MAF: variants seen among roughly 807,000 people sequenced by gnomAD.
MAF encodes the protein MAF bZIP transcription factor, also known as transcription factor Maf.
Under a neutral mutation model 22.0 loss-of-function variants are expected in MAF, and 10 were observed. The observed-to-expected ratio is 0.45, with a 90% CI of 0.28 to 0.77. The LOEUF (loss-of-function observed/expected upper bound fraction) is 0.77. MAF is among the 30% of genes least tolerant of loss of function. The probability of loss-of-function intolerance (pLI) is 0.12; values close to 1 mark genes in which losing one functional copy is unlikely to be tolerated. For synonymous variants in MAF, 337 were observed against 255.8 expected (o/e 1.32, Z -3.03); for missense variants, 544 against 548.4 (o/e 0.99, Z 0.08).
chr16:79,376,081 G>A, the MAF span, among the ~76,000 whole-genome samples: 1 of 150,468 alleles, frequency 6.6e-6, no homozygotes, highest in Non-Finnish European at 1.5e-5. Context: ...GAACAGTGAA[G>A]CAACAATTAT....
At chr16:79,479,024 A>G in the MAF span, among the ~76,000 whole-genome samples, 1 of 151,320 alleles carries the variant, frequency 6.6e-6, no homozygotes, top group East Asian at 2.0e-4. Context: ...GCACCACCCC[A>G]GCGTATATTT....
the MAF span, among the ~76,000 whole-genome samples, chr16:79,238,308 G>T: frequency 2.0e-5 from 3 of 152,054 alleles, no homozygotes; most frequent in African/African-American, 7.2e-5. Flanking sequence ...AAAGCTTTCT[G>T]CTTCTTTCCT....
At chr16:79,536,641 T>C in the MAF span, among the ~76,000 whole-genome samples, 1 of 152,102 alleles carries the variant, frequency 6.6e-6, no homozygotes, top group Non-Finnish European at 1.5e-5. Flanking sequence ...GACTCCGTCT[T>C]GAAAAAATAT....
the MAF span, among the ~76,000 whole-genome samples, chr16:79,207,333 T>C: frequency 6.6e-6 from 1 of 152,238 alleles, no homozygotes; most frequent in African/African-American, 2.4e-5. Context: ...GAGGTATGTG[T>C]CTTTCCTTTT....
the MAF span, among the ~76,000 whole-genome samples, chr16:79,572,906 T>C: frequency 0.31 from 46,500 of 152,162 alleles, 7,635 homozygotes; most frequent in Non-Finnish European, 0.38. Flanking sequence ...TATAAGATGC[T>C]ATAAATATTA....
At chr16:79,557,797 G>T in the MAF span, among the ~76,000 whole-genome samples, 1 of 152,030 alleles carries the variant, frequency 6.6e-6, no homozygotes, top group Non-Finnish European at 1.5e-5. Context: ...GATGGGCAAA[G>T]ATATAAGATG....
the MAF span, among the ~76,000 whole-genome samples, chr16:79,410,420 C>G: frequency 6.6e-6 from 1 of 152,260 alleles, no homozygotes; most frequent in South Asian, 2.1e-4. Context: ...ACTGCGAACA[C>G]ACTCCAAATT....
chr16:79,489,217 C>A, the MAF span, among the ~76,000 whole-genome samples: 1 of 152,132 alleles, frequency 6.6e-6, no homozygotes, highest in Non-Finnish European at 1.5e-5. Context: ...CTCTATCTAT[C>A]CATCCATTTG....
chr16:79,221,969 G>C, the MAF span, among the ~76,000 whole-genome samples: 2 of 152,108 alleles, frequency 1.3e-5, no homozygotes, highest in African/African-American at 4.8e-5. Context: ...CACAGACAGA[G>C]AAACGTTTTT....
At chr16:79,584,170 G>C (rs796215506), downstream of MAF, among the ~76,000 whole-genome samples, 1 of 151,990 alleles carries the variant, frequency 6.6e-6, no homozygotes, top group South Asian at 2.1e-4. Flanking sequence ...TTATATCCTA[G>C]CCTAGAAAAT....
chr16:79,432,694 G>T, the MAF span, among the ~76,000 whole-genome samples: 2 of 152,204 alleles, frequency 1.3e-5, no homozygotes, highest in South Asian at 4.2e-4. Context: ...GAGTAGGATG[G>T]CCCCTAATCC....
At chr16:79,324,463 T>A in the MAF span, among the ~76,000 whole-genome samples, 1 of 152,176 alleles carries the variant, frequency 6.6e-6, no homozygotes, top group African/African-American at 2.4e-5. Flanking sequence ...ATGCATGGAT[T>A]TTGGTATTAG....
At chr16:79,487,088 C>T in the MAF span, among the ~76,000 whole-genome samples, 1 of 151,850 alleles carries the variant, frequency 6.6e-6, no homozygotes, top group African/African-American at 2.4e-5. Context: ...AAATCTCCTC[C>T]AAAACACTGT....
At chr16:79,496,393 A>G in the MAF span, among the ~76,000 whole-genome samples, 1,000 of 152,312 alleles carry the variant, frequency 6.6e-3, 7 homozygotes, top group Non-Finnish European at 7.6e-3. Context: ...TCTGGCATTG[A>G]CTAGCAAAAT....
chr16:79,562,818 G>T, the MAF span, among the ~76,000 whole-genome samples: 1 of 152,124 alleles, frequency 6.6e-6, no homozygotes, highest in Non-Finnish European at 1.5e-5. Context: ...CCAGGAAGTG[G>T]GTCTGGTTAT....
the MAF span, among the ~76,000 whole-genome samples, chr16:79,350,634 C>T: frequency 6.6e-6 from 1 of 152,162 alleles, no homozygotes; most frequent in African/African-American, 2.4e-5. Context: ...TCCCAGCCAA[C>T]AGTGGGCTGG....
At chr16:79,345,726 CAAAAAAAAAAAAAA>C in the MAF span, among the ~76,000 whole-genome samples, 2 of 68,340 alleles carry the variant, frequency 2.9e-5, no homozygotes, top group Non-Finnish European at 5.0e-5. Context: ...GACTCCGTCT[CAAAAAAAAAAAAAA>C]AAAAAAAAAA....
At chr16:79,502,718 T>TATATATATAAATATAA in the MAF span, among the ~76,000 whole-genome samples, 56 of 18,166 alleles carry the variant, frequency 3.1e-3, 1 homozygote, top group East Asian at 0.017. Flanking sequence ...AATATATATA[T>TATATATATAAATATAA]ATATATATAT....
the MAF span, among the ~76,000 whole-genome samples, chr16:79,435,806 T>TA: frequency 3.3e-5 from 5 of 152,220 alleles, no homozygotes; most frequent in African/African-American, 1.2e-4. Flanking sequence ...CCATACTTCG[T>TA]AGCTAAAAAG....
Sources: gnomAD v4.1 joint callset for allele counts (sites outside exome capture counted in the v4.1 genomes callset) on GRCh38, gnomAD v4.1.1 for gene constraint, MANE v1.5 for transcripts, NCBI Gene and HGNC (gene_info 2026-07-23, HGNC 2026-07-21) for gene names.